ZCCHC7: variants seen among roughly 807,000 people sequenced by gnomAD.
The protein encoded by ZCCHC7 is zinc finger CCHC-type containing 7.
ZCCHC7 carries 35 observed loss-of-function variants against 52.0 expected under a neutral mutation model. The observed-to-expected ratio is 0.67, with a 90% CI of 0.51 to 0.89. The LOEUF is 0.89. Among genes scored for constraint, ZCCHC7 ranks in the 40% least tolerant of loss-of-function variants. The probability of loss-of-function intolerance (pLI) is 0.00; values close to 1 mark genes in which losing one functional copy is unlikely to be tolerated. For synonymous variants in ZCCHC7, 217 were observed against 221.5 expected, an observed-to-expected ratio of 0.98 and a Z score of 0.18; for missense variants, 574 against 649.1, an observed-to-expected ratio of 0.88 and a Z score of 1.26.
At chr9:37,306,968 A>G (rs551477579) in intron 5 of ZCCHC7, among the ~76,000 whole-genome samples, 1 of 150,266 alleles carries the variant, frequency 6.7e-6, no homozygotes, top group African/African-American at 2.4e-5. Context: ...TTGTATATTT[A>G]GTAGACAGCA....
chr9:37,213,895 AT>A (rs1176200446), intron 2 of ZCCHC7, among the ~76,000 whole-genome samples: 1 of 152,066 alleles, frequency 6.6e-6, no homozygotes, highest in African/African-American at 2.4e-5. Context: ...TGCAGAGTAA[AT>A]CAACAACATT....
intron 2 of ZCCHC7, among the ~76,000 whole-genome samples, chr9:37,277,606 G>T (rs308495): frequency 0.42 from 64,233 of 152,086 alleles, 15,026 homozygotes; most frequent in African/African-American, 0.62. Flanking sequence ...GATGACTTTA[G>T]TTTTAGTATT....
intron 2 of ZCCHC7, among the ~76,000 whole-genome samples, chr9:37,225,632 A>G (rs1186906628): frequency 6.6e-6 from 1 of 152,222 alleles, no homozygotes; most frequent in Non-Finnish European, 1.5e-5. Flanking sequence ...GGTTGGTTTA[A>G]CGTGAAAATT....
rs761811070 is a variant in ZCCHC7, at chr9:37,126,560, C to T, written c.228C>T (p.Val76=). The T allele has an allele frequency of 6.2e-7, 1 of 1,614,108 alleles. No individual in the cohort carries two copies. Among genetic ancestry groups the T allele is most frequent in the South Asian group, 1.1e-5 (1 of 91,082 alleles). The part of the protein sequence containing the change: ...SSKPNQKKLI[V]LSDSEVIQLS... ...AACCAAATCAGAAGAAGCTAATCGT[C>T]CTTTCAGATAGTGAGGTCATCCAGC... The change falls in exon 2 of 9, where the codon GTC becomes GTT. Residue 76 remains valine, a synonymous_variant. Coordinates refer to ENST00000336755, the MANE Select transcript of ZCCHC7 (RefSeq NM_032226.3).
intron 2 of ZCCHC7, among the ~76,000 whole-genome samples, chr9:37,195,934 A>AT (rs1472052093): frequency 2.6e-5 from 4 of 152,104 alleles, no homozygotes; most frequent in African/African-American, 4.8e-5. Flanking sequence ...AGTTTGTGTG[A>AT]TTTTTTAAAA....
chr9:37,216,624 A>G (rs936906074), intron 2 of ZCCHC7, among the ~76,000 whole-genome samples: 3 of 152,216 alleles, frequency 2.0e-5, no homozygotes, highest in African/African-American at 7.2e-5. Context: ...CAGTGAGCCA[A>G]GATCACACCA....
chr9:37,184,723 G>A (rs1191106057), intron 2 of ZCCHC7, among the ~76,000 whole-genome samples: 1 of 152,102 alleles, frequency 6.6e-6, no homozygotes, highest in African/African-American at 2.4e-5. Context: ...TGTTGTTGAA[G>A]TTCAGGCTGC....
intron 5 of ZCCHC7, chr9:37,326,223 A>C (rs1335825029): frequency 3.3e-5 from 5 of 152,154 alleles, no homozygotes; most frequent in Non-Finnish European, 7.4e-5. Flanking sequence ...CATGTTTATA[A>C]AAATAGATAT....
At chr9:37,122,406 A>G (rs1842354998) in intron 1 of ZCCHC7, among the ~76,000 whole-genome samples, 1 of 152,200 alleles carries the variant, frequency 6.6e-6, no homozygotes, top group African/African-American at 2.4e-5. Context: ...TTATATAGGA[A>G]ACATCTTTTC....
chr9:37,134,951 T>C (rs976718095), intron 2 of ZCCHC7, among the ~76,000 whole-genome samples: 1 of 152,072 alleles, frequency 6.6e-6, no homozygotes, highest in African/African-American at 2.4e-5. Flanking sequence ...GGCCTCAAAC[T>C]CCCGACCTCA....
chr9:37,324,172 T>C (rs1830153921), intron 5 of ZCCHC7, among the ~76,000 whole-genome samples: 1 of 152,224 alleles, frequency 6.6e-6, no homozygotes, highest in Admixed American at 6.5e-5. Context: ...GGCCATCTCC[T>C]AACAACAGAG....
upstream of ZCCHC7, chr9:37,120,543 T>G (rs1201927007): frequency 2.3e-5 from 9 of 399,232 alleles, no homozygotes; most frequent in South Asian, 3.8e-4. Flanking sequence ...CGCGGCCTCC[T>G]TACCTCATTT....
chr9:37,208,880 T>C (rs1824059860), intron 2 of ZCCHC7, among the ~76,000 whole-genome samples: 1 of 152,218 alleles, frequency 6.6e-6, no homozygotes, highest in Non-Finnish European at 1.5e-5. Context: ...CAAAAAAGGC[T>C]ATATATGATA....
chr9:37,185,085 A>G (rs1379301451), intron 2 of ZCCHC7, among the ~76,000 whole-genome samples: 1 of 152,148 alleles, frequency 6.6e-6, no homozygotes, highest in Non-Finnish European at 1.5e-5. Flanking sequence ...GTACTTCGAA[A>G]CTAAACATAT....
chr9:37,279,717 T>C lies in ZCCHC7; in HGVS notation c.611-22471T>C, dbSNP rs560327942. On this transcript the variant is annotated intron_variant, in intron 2 of 8. Coordinates refer to ENST00000336755, the MANE Select transcript of ZCCHC7 (RefSeq NM_032226.3). ...CTATAAATTAAAATATATATATATATATTAGAAAAACATAATTACATGAAT... is the reference window on the plus strand; with the variant it reads ...CTATAAATTAAAATATATATATATACATTAGAAAAACATAATTACATGAAT... Among the ~76,000 whole-genome samples the C allele has an allele frequency of 8.0e-5, 12 of 150,892 alleles. No individual in the cohort carries two copies. In the East Asian group the frequency reaches 2.3e-3, roughly 29 times the overall value.
intron 2 of ZCCHC7, among the ~76,000 whole-genome samples, chr9:37,158,805 T>C (rs554632930): frequency 6.6e-6 from 1 of 152,348 alleles, no homozygotes; most frequent in East Asian, 1.9e-4. Context: ...CAGTCACCAG[T>C]TGTTTACAAC....
intron 5 of ZCCHC7, among the ~76,000 whole-genome samples, chr9:37,320,195 A>T (rs780476985): frequency 6.6e-5 from 10 of 152,142 alleles, no homozygotes; most frequent in Non-Finnish European, 1.5e-4. Flanking sequence ...CTCCTGTCTC[A>T]GCCTCCTGAG....
chr9:37,243,001 A>G (rs1210451435), intron 2 of ZCCHC7, among the ~76,000 whole-genome samples: 1 of 151,880 alleles, frequency 6.6e-6, no homozygotes, highest in Non-Finnish European at 1.5e-5. Context: ...TACCTATGAC[A>G]TAAGAAGCAC....
At chr9:37,276,995 C>T (rs991023709) in intron 2 of ZCCHC7, among the ~76,000 whole-genome samples, 2 of 152,204 alleles carry the variant, frequency 1.3e-5, no homozygotes, top group African/African-American at 4.8e-5. Flanking sequence ...CCTTCTCTCT[C>T]CTAGGAACAT....
Sources: allele counts gnomAD v4.1 joint callset (sites outside exome capture counted in the v4.1 genomes callset), GRCh38; gene constraint gnomAD v4.1.1; transcripts MANE v1.5; gene names NCBI Gene and HGNC (gene_info 2026-07-23, HGNC 2026-07-21).